CFAP53: variants seen among roughly 807,000 people sequenced by gnomAD.
The protein encoded by CFAP53 is cilia- and flagella-associated protein 53.
A neutral mutation model predicts 59.7 loss-of-function variants in CFAP53; 62 were observed. The observed-to-expected ratio is 1.04, with a 90% CI of 0.85 to 1.28. The LOEUF (loss-of-function observed/expected upper bound fraction) is 1.28. Ranked by LOEUF, CFAP53 falls within the 50% of genes most tolerant of loss-of-function variation. CFAP53 has a pLI of 0.00. For synonymous variants in CFAP53, 218 were observed against 205.7 expected (o/e 1.06, Z -0.51); for missense variants, 629 against 615.6 (o/e 1.02, Z -0.23).
chr18:50,233,044 A>G (rs1004809352), intron 7 of CFAP53, among the ~76,000 whole-genome samples: 18 of 152,188 alleles, frequency 1.2e-4, no homozygotes, highest in African/African-American at 4.3e-4. Context: ...AAAAAGTCAG[A>G]GCTCAAATGG....
intron 6 of CFAP53, among the ~76,000 whole-genome samples, chr18:50,239,114 A>T (rs2033664303): frequency 6.6e-6 from 1 of 150,764 alleles, no homozygotes; most frequent in South Asian, 2.1e-4. Context: ...TTGGCTGGGC[A>T]CAATGCCTCA....
intron 5 of CFAP53, among the ~76,000 whole-genome samples, chr18:50,247,461 C>T (rs1284267356): frequency 6.6e-6 from 1 of 152,064 alleles, no homozygotes; most frequent in Non-Finnish European, 1.5e-5. Flanking sequence ...TAGATACATG[C>T]CCCAAAGAAA....
Position 50,261,160 on chromosome 18 carries a change from T to C in CFAP53, c.377A>G (p.Lys126Arg), listed in dbSNP as rs1219552346. The change falls in exon 3 of 8, where the codon AAA becomes AGA. Residue 126 changes from lysine (K) to arginine (R), a missense_variant. Lys to Arg is a conservative substitution (Grantham distance 26). Coordinates refer to ENST00000398545, the MANE Select transcript of CFAP53 (RefSeq NM_145020.5). The stretch of plus-strand genomic sequence containing the variant: ...AGTTTTCTCTCTCATCCTATCTTTT[T>C]TCTCCTCAATGGTTTCTTTCTTCAA... ...MQLKKETIEE[K>R]KDRMREKTKL... The C allele has an allele frequency of 6.3e-7, 1 of 1,599,030 alleles. No individual in the cohort carries two copies. Among genetic ancestry groups the C allele is most frequent in the African/African-American group, 1.4e-5 (1 of 73,936 alleles).
intron 5 of CFAP53, among the ~76,000 whole-genome samples, chr18:50,246,709 T>C (rs1014725824): frequency 5.9e-5 from 9 of 152,226 alleles, no homozygotes; most frequent in Admixed American, 2.0e-4. Flanking sequence ...AAGAAAATAA[T>C]TGCAAGTCAT....
intron 3 of CFAP53, 48 bp downstream of exon 3, chr18:50,261,016 T>C: frequency 1.3e-6 from 2 of 1,559,096 alleles, no homozygotes; most frequent in East Asian, 2.3e-5. Flanking sequence ...AAATCTATTT[T>C]AATGTACCAA....
chr18:50,256,770 A>G (rs2033850258), intron 3 of CFAP53, among the ~76,000 whole-genome samples: 1 of 151,712 alleles, frequency 6.6e-6, no homozygotes. Flanking sequence ...CACAGATGTC[A>G]TTTTGCTGCT....
rs536065582 is a variant in CFAP53 at position 50,251,387 on chromosome 18, C to T, written c.777+94G>A. ...AATGGAAATGTGCCTGTGAACTAGC[C>T]CAGGCCATCAGACAAACTGTACTGT... On this transcript the variant is annotated intron_variant, in intron 4 of 7. Transcript: ENST00000398545. The T allele has an allele frequency of 5.7e-5, 64 of 1,116,810 alleles. No homozygotes were observed. In the South Asian group the frequency reaches 9.0e-4, roughly 16 times the overall value. The allele number at this position is 1,116,810 out of a possible 1,614,324, so 69.2% of individuals were successfully genotyped here. A position where few individuals can be genotyped will look rare whatever the true frequency, so the allele number is the denominator to read the frequency against.
intron 3 of CFAP53, among the ~76,000 whole-genome samples, chr18:50,259,440 C>A (rs2033871750): frequency 1.6e-5 from 2 of 128,968 alleles, no homozygotes; most frequent in African/African-American, 3.1e-5. Flanking sequence ...GGATGGTTAC[C>A]AGAGGCTGGG....
rs377760231 is a variant in CFAP53, at chr18:50,250,718, T to C, written c.996+40A>G. On this transcript the variant is annotated intron_variant, in intron 5 of 7. Coordinates refer to ENST00000398545, the MANE Select transcript of CFAP53 (RefSeq NM_145020.5). ...ACAAGACTGAGAACTCAGTAAGGAA[T>C]CCCTTCCAGCAGGTAGCAGGCACCA... 31 of 1,494,530 alleles carry C rather than the reference T, an allele frequency of 2.1e-5. No individual in the cohort carries two copies. The African/African-American group carries it at 4.3e-4, about 21-fold the overall frequency. 92.6% of individuals were successfully genotyped at this position (1,494,530 alleles called of 1,614,324 possible).
chr18:50,227,449 T>C lies in CFAP53; in HGVS notation c.1477A>G (p.Thr493Ala), dbSNP rs1311757895. 2 of 1,614,184 alleles carry C rather than the reference T, an allele frequency of 1.2e-6. No individual in the cohort carries two copies. The highest frequency in any genetic ancestry group is 1.3e-5 in the African/African-American group (1 of 75,046). ...CLDKVQEVLSTHQVLPQNIHP... is the reference protein window; with the variant it reads ...CLDKVQEVLSAHQVLPQNIHP... ...ATGTTTTGAGGCAGCACTTGATGGG[T>C]GGACAGGACCTCCTGGACCTTGTCC... Residue 493 changes from threonine to alanine, a missense_variant, in exon 8 of 8, where the codon ACC (threonine) becomes GCC (alanine). By Grantham distance (58) the Thr-to-Ala change is moderately conservative. Transcript: ENST00000398545.
At chr18:50,252,700 C>T (rs907974174) in intron 3 of CFAP53, among the ~76,000 whole-genome samples, 3 of 152,170 alleles carry the variant, frequency 2.0e-5, no homozygotes, top group Non-Finnish European at 4.4e-5. Context: ...TGAGCCACTA[C>T]ACCAGGCTGA....
chr18:50,248,059 G>C (rs1458994795), intron 5 of CFAP53, among the ~76,000 whole-genome samples: 1 of 151,466 alleles, frequency 6.6e-6, no homozygotes, highest in Non-Finnish European at 1.5e-5. Context: ...GTTGGAGGCT[G>C]CAGTGAGCTA....
Position 50,243,023 on chromosome 18 carries a change from A to T in CFAP53, c.1090T>A (p.Leu364Ile). 1 of 1,613,898 alleles carries T rather than the reference A, an allele frequency of 6.2e-7. No homozygotes were observed. Among genetic ancestry groups the T allele is most frequent in the Non-Finnish European group, 8.5e-7 (1 of 1,179,964 alleles). ...AACTTCTTTGCCTTGTCTTCCTCTA[A>T]TATTCTGTCAAATTCTTTCTCCTGA... ...KAQEKEFDRI[L>I]EEDKAKKLAE... is the part of the protein sequence containing the mutation. Residue 364 changes from leucine to isoleucine, a missense_variant, in exon 6 of 8, where the codon TTA (leucine) becomes ATA (isoleucine). Leu to Ile is a conservative substitution (Grantham distance 5). Transcript: ENST00000398545.
chr18:50,238,532 G>A lies in CFAP53; in HGVS notation c.1316+71C>T, dbSNP rs140867504. ...CTCCCAAAGTACTGGGATTACAGGT[G>A]TGAGCCACCATGGCTAGCCAAAAAT... On this transcript the variant is annotated intron_variant, in intron 7 of 7. Coordinates refer to ENST00000398545, the MANE Select transcript of CFAP53 (RefSeq NM_145020.5). 26 of 978,692 alleles carry A rather than the reference G, an allele frequency of 2.7e-5. No individual in the cohort carries two copies. In the African/African-American group the frequency reaches 3.5e-4, roughly 13 times the overall value. The allele number at this position is 978,692 out of a possible 1,614,324, so 60.6% of individuals were successfully genotyped here.
intron 7 of CFAP53, among the ~76,000 whole-genome samples, chr18:50,230,190 A>G (rs2033566827): frequency 6.6e-6 from 1 of 152,232 alleles, no homozygotes; most frequent in African/African-American, 2.4e-5. Flanking sequence ...TTCCTGAGTG[A>G]TAAAAGTATC....
chr18:50,227,528 C>G lies in CFAP53; in HGVS notation c.1398G>C (p.Lys466Asn), dbSNP rs2033536633. 3 of 1,614,190 alleles carry G rather than the reference C, an allele frequency of 1.9e-6. No homozygotes were observed. In the African/African-American group the frequency reaches 4.0e-5, roughly 22 times the overall value. ...CTTCAAACTCTCGGCGTTTCTCTTC[C>G]TTCTCTGCTTCTTGGGACTGCTGCT... is the stretch of plus-strand genomic sequence containing the variant. ...AYQQQSQEAEKEEKRREFEAG... is the reference protein window; with the variant it reads ...AYQQQSQEAENEEKRREFEAG... The change falls in exon 8 of 8, where the codon AAG becomes AAC. Residue 466 changes from lysine (K) to asparagine (N), a missense_variant. Coordinates refer to ENST00000398545, the MANE Select transcript of CFAP53 (RefSeq NM_145020.5).
intron 3 of CFAP53, among the ~76,000 whole-genome samples, chr18:50,257,639 T>C (rs1599130437): frequency 6.6e-6 from 1 of 152,252 alleles, no homozygotes; most frequent in African/African-American, 2.4e-5. Context: ...ACATATTCCA[T>C]GTTCTTGGAT....
Position 50,227,355 on chromosome 18 carries a change from G to C in CFAP53, c.*26C>G, listed in dbSNP as rs1463178359. 1.9e-6 allele frequency: 3 copies of C among 1,569,720 alleles called. No homozygotes were observed. Among genetic ancestry groups the C allele is most frequent in the Non-Finnish European group, 1.8e-6 (2 of 1,141,294 alleles). ...GTAGTTAAAAATATTAAAAGACCAAGAAAAGATATATTGATGCTCACGGAA... is the reference window on the plus strand; with the variant it reads ...GTAGTTAAAAATATTAAAAGACCAACAAAAGATATATTGATGCTCACGGAA... On this transcript the variant is annotated 3_prime_UTR_variant, in exon 8 of 8. Coordinates refer to ENST00000398545, the MANE Select transcript of CFAP53 (RefSeq NM_145020.5).
At chr18:50,240,199 T>TACCTGCTCCACCCTGACTCATTCTGATC (rs2033676648) in intron 6 of CFAP53, among the ~76,000 whole-genome samples, 1 of 151,582 alleles carries the variant, frequency 6.6e-6, no homozygotes, top group African/African-American at 2.4e-5. Flanking sequence ...TCATTCAGAT[T>TACCTGCTCCACCCTGACTCATTCTGATC]ACCTGCTCCA....
Sources: allele counts gnomAD v4.1 joint callset (sites outside exome capture counted in the v4.1 genomes callset), GRCh38; gene constraint gnomAD v4.1.1; transcripts MANE v1.5; gene names NCBI Gene and HGNC (gene_info 2026-07-23, HGNC 2026-07-21).